The following MYLK4 variants were observed in gnomAD, a reference collection of about 807,000 sequenced individuals.
MYLK4 encodes caMLCK like.
In MYLK4, 46 loss-of-function variants were observed where a neutral mutation model predicts 48.1. The observed-to-expected ratio is 0.96, with a 90% confidence interval of 0.75 to 1.22. The LOEUF (loss-of-function observed/expected upper bound fraction) is 1.22, where lower values mean the gene tolerates loss of function less well. Ranked by LOEUF, MYLK4 falls within the 50% of genes most tolerant of loss-of-function variation. The probability of loss-of-function intolerance (pLI) is 0.00; values close to 1 mark genes in which losing one functional copy is unlikely to be tolerated. For synonymous variants in MYLK4, 170 were observed against 180.8 expected (o/e 0.94, Z 0.48); for missense variants, 451 against 486.1 (o/e 0.93, Z 0.68).
intron 2 of MYLK4, among the ~76,000 whole-genome samples, chr6:2,737,648 C>T (rs753028344): frequency 5.3e-5 from 8 of 151,972 alleles, no homozygotes; most frequent in Admixed American, 6.6e-5. Context: ...TCCATAGCTC[C>T]AGGCAATGTG....
intron 12 of MYLK4, 95 bp downstream of exon 12, chr6:2,671,181 C>A (rs1038100302): frequency 2.2e-5 from 19 of 873,324 alleles, no homozygotes; most frequent in Non-Finnish European, 3.4e-5. Context: ...CGCTGCTCTT[C>A]TTCCTGCATA....
chr6:2,685,258 C>A lies in MYLK4; in HGVS notation c.545+38G>T. ...AGGCACGGTCACGGTCATGAGTGCC[C>A]TTGGGGAGGTCAGGGAGGGGGCGGA... On this transcript the variant is annotated intron_variant, in intron 6 of 12. Coordinates refer to ENST00000274643, the MANE Select transcript of MYLK4 (RefSeq NM_001012418.5). The surrounding 1 kb of genome is among the most constrained non-coding windows in gnomAD (Gnocchi z 4.5). The A allele has an allele frequency of 6.6e-7, 1 of 1,506,512 alleles. No individual in the cohort carries two copies. Among genetic ancestry groups the A allele is most frequent in the Non-Finnish European group, 9.2e-7 (1 of 1,085,080 alleles). The allele number at this position is 1,506,512 out of a possible 1,614,324, so 93.3% of individuals were successfully genotyped here.
At chr6:2,720,024 C>G (rs1362596142) in intron 2 of MYLK4, among the ~76,000 whole-genome samples, 1 of 152,016 alleles carries the variant, frequency 6.6e-6, no homozygotes, top group East Asian at 1.9e-4. Flanking sequence ...TTTAATTTAC[C>G]TGGTCCTTAG....
rs577279647 is a variant in MYLK4 at position 2,699,080 on chromosome 6, G to A, written c.160-6221C>T. Among the ~76,000 whole-genome samples the A allele has an allele frequency of 1.9e-3, 289 of 152,170 alleles. 4 individuals carry two copies. Among genetic ancestry groups the A allele is most frequent in the Non-Finnish European group, 2.0e-3 (136 of 68,008 alleles). On this transcript the variant is annotated intron_variant, in intron 2 of 12. Transcript: ENST00000274643. ...CCTTTCCATGCACCCACAATTATGTGCACAGTGCTTCACTCGGAAGCCAAG... is the reference window on the plus strand; with the variant it reads ...CCTTTCCATGCACCCACAATTATGTACACAGTGCTTCACTCGGAAGCCAAG...
At chr6:2,718,424 T>A (rs1275869053) in intron 2 of MYLK4, among the ~76,000 whole-genome samples, 1 of 152,198 alleles carries the variant, frequency 6.6e-6, no homozygotes, top group Non-Finnish European at 1.5e-5. Context: ...TCCTTTAGCC[T>A]CTTTTGAAGA....
the MYLK4 span, chr6:2,768,780 T>TGTGC: frequency 6.2e-7 from 1 of 1,614,020 alleles, no homozygotes; most frequent in South Asian, 1.1e-5. Flanking sequence ...AGACAAATGA[T>TGTGC]GTGCGAGATG....
At chr6:2,706,950 G>A (rs1454787709) in intron 2 of MYLK4, among the ~76,000 whole-genome samples, 1 of 152,102 alleles carries the variant, frequency 6.6e-6, no homozygotes, top group Non-Finnish European at 1.5e-5. Context: ...ATATAAAATG[G>A]GGCTCCATCT....
intron 2 of MYLK4, among the ~76,000 whole-genome samples, chr6:2,722,419 CA>C (rs1582095621): frequency 2.0e-5 from 3 of 151,836 alleles, no homozygotes; most frequent in African/African-American, 7.3e-5. Context: ...ATAACATTTT[CA>C]AAATCACAAT....
the MYLK4 span, chr6:2,765,546 G>A: frequency 2.9e-6 from 4 of 1,357,844 alleles, no homozygotes; most frequent in African/African-American, 4.6e-5. Context: ...GCGGGGCCTA[G>A]CGGAGGGCAT....
At chr6:2,767,190 T>A in the MYLK4 span, among the ~76,000 whole-genome samples, 1 of 152,272 alleles carries the variant, frequency 6.6e-6, no homozygotes, top group South Asian at 2.1e-4. Context: ...TAGGATATTG[T>A]GAGTCTAGAA....
chr6:2,743,228 T>C (rs1763958954), intron 2 of MYLK4, among the ~76,000 whole-genome samples: 1 of 152,174 alleles, frequency 6.6e-6, no homozygotes, highest in Non-Finnish European at 1.5e-5. Flanking sequence ...ATTCAGACTG[T>C]TTTCCATAGT....
intron 2 of MYLK4, among the ~76,000 whole-genome samples, chr6:2,748,080 G>A (rs1020997579): frequency 1.3e-5 from 2 of 152,024 alleles, no homozygotes; most frequent in South Asian, 2.1e-4. Context: ...TGTTAGAAAC[G>A]CCCTTCCTAC....
At chr6:2,766,324 C>G in the MYLK4 span, 1 of 1,610,742 alleles carries the variant, frequency 6.2e-7, no homozygotes, top group Admixed American at 1.7e-5. Context: ...TGCGTCCTGA[C>G]ACGCTGCAGG....
intron 2 of MYLK4, among the ~76,000 whole-genome samples, chr6:2,694,511 G>GGTGGTAGTGGTAGT (rs1561845879): frequency 4.4e-5 from 1 of 22,734 alleles, no homozygotes; most frequent in Admixed American, 4.8e-4. Context: ...TGGTGGTGGT[G>GGTGGTAGTGGTAGT]GCGGTGGTGG....
At chr6:2,691,433 T>C (rs895370985) in intron 3 of MYLK4, among the ~76,000 whole-genome samples, 9 of 152,248 alleles carry the variant, frequency 5.9e-5, no homozygotes, top group Non-Finnish European at 1.3e-4. Context: ...TACTCATAAC[T>C]TAGAGTAGTT....
chr6:2,750,586 A>G (rs1039724936), intron 1 of MYLK4, 150 bp downstream of exon 1: 3 of 152,228 alleles, frequency 2.0e-5, no homozygotes, highest in Admixed American at 6.5e-5. Flanking sequence ...ATGTATTAAA[A>G]CAAAAGCTTA....
At chr6:2,725,643 GAA>G (rs1331723824) in intron 2 of MYLK4, among the ~76,000 whole-genome samples, 2 of 138,120 alleles carry the variant, frequency 1.4e-5, no homozygotes, top group East Asian at 2.0e-4. Context: ...AAGAAAGAAG[GAA>G]AGAGAGAGAG....
At chr6:2,720,268 A>G (rs9405182) in intron 2 of MYLK4, among the ~76,000 whole-genome samples, 129,607 of 151,986 alleles carry the variant, frequency 0.85, 55,351 homozygotes, top group Admixed American at 0.89. Context: ...GCCGGGCGTG[A>G]TGGCTGGCAC....
At chr6:2,747,124 C>G (rs1022848441) in intron 2 of MYLK4, among the ~76,000 whole-genome samples, 1 of 152,208 alleles carries the variant, frequency 6.6e-6, no homozygotes, top group Non-Finnish European at 1.5e-5. Context: ...AGGGTGTCAA[C>G]TGCAGGACGG....
Sources: allele counts gnomAD v4.1 joint callset (sites outside exome capture counted in the v4.1 genomes callset), GRCh38; gene constraint gnomAD v4.1.1; non-coding constraint Gnocchi (gnomAD v3.1); transcripts MANE v1.5; gene names NCBI Gene and HGNC (gene_info 2026-07-23, HGNC 2026-07-21).